The following STIM2 variants were observed in gnomAD, a reference collection of about 807,000 sequenced individuals.
STIM2 encodes stromal interaction molecule 2.
STIM2 carries 31 observed loss-of-function variants against 85.8 expected under a neutral mutation model. That is an observed-to-expected ratio of 0.36 (90% CI 0.27 to 0.49). The LOEUF (loss-of-function observed/expected upper bound fraction) is 0.49, where lower values mean the gene tolerates loss of function less well. Among genes scored for constraint, STIM2 ranks in the 20% least tolerant of loss-of-function variants. STIM2 has a pLI of 0.98. For synonymous variants in STIM2, 356 were observed against 331.1 expected (o/e 1.08, Z -0.82); for missense variants, 841 against 927.6 (o/e 0.91, Z 1.21).
In STIM2 at chr4:27,023,311, A is replaced by G. The variant is rs892221398; in HGVS notation, c.*315A>G. 17 of 276,010 alleles carry G rather than the reference A, an allele frequency of 6.2e-5. No individual in the cohort carries two copies. The highest frequency in any genetic ancestry group is 3.7e-4 in the African/African-American group (17 of 46,098). The allele number at this position is 276,010 out of a possible 1,614,324, so 17.1% of individuals were successfully genotyped here. On this transcript the variant is annotated 3_prime_UTR_variant, in exon 12 of 12. Coordinates refer to ENST00000467087, the MANE Select transcript of STIM2 (RefSeq NM_020860.4). Reference sequence around the variant, plus strand: ...ATGCAACATTTTGTTGAAAGCCACGATGGACTTACAAGCTTTAATGGACTC... The same window carrying G: ...ATGCAACATTTTGTTGAAAGCCACGGTGGACTTACAAGCTTTAATGGACTC...
At chr4:26,985,711 T>C (rs758217323) in intron 3 of STIM2, among the ~76,000 whole-genome samples, 14 of 152,186 alleles carry the variant, frequency 9.2e-5, no homozygotes, top group Non-Finnish European at 1.8e-4. Flanking sequence ...AACTCTACTC[T>C]CCTGTCTCAG....
In STIM2 at chr4:26,951,916, C is replaced by G. The variant is rs112220539; in HGVS notation, c.283-5696C>G. ...GTATGCAGAGTTCTGGCATCAGAGG[C>G]CAAAGCCTAATGGTAGATTTTGGCT... On this transcript the variant is annotated intron_variant, in intron 2 of 11. Transcript: ENST00000467087. 2.8e-3 allele frequency among the ~76,000 whole-genome samples: 430 copies of G among 152,064 alleles called. 2 individuals carry two copies. The highest frequency in any genetic ancestry group is 0.01 in the Middle Eastern group (3 of 294).
chr4:26,997,591 A>C (rs1211491513), intron 4 of STIM2, among the ~76,000 whole-genome samples: 1 of 152,138 alleles, frequency 6.6e-6, no homozygotes, highest in Admixed American at 6.5e-5. Context: ...TTTTTACTAC[A>C]TCTCATTGTC....
chr4:26,981,670 A>G (rs1384813533), intron 3 of STIM2, among the ~76,000 whole-genome samples: 1 of 152,200 alleles, frequency 6.6e-6, no homozygotes, highest in Admixed American at 6.5e-5. Context: ...CAGTATGGAA[A>G]AATTCCATAA....
At chr4:26,861,550 C>G (rs1422131820) in intron 1 of STIM2, 181 bp downstream of exon 1, 16 of 943,148 alleles carry the variant, frequency 1.7e-5, no homozygotes, top group Non-Finnish European at 2.2e-5. Flanking sequence ...TCCTTTTCAC[C>G]CCGACACCCC....
chr4:26,961,651 CACTGGAGGG>C lies in STIM2; in HGVS notation c.397+3927_397+3935del, dbSNP rs539785329. Reference sequence around the variant, plus strand: ...GTAAGTTTAGGGTATGGAGGTAGCTCACTGGAGGGAGTGATTAGCTCACTATTATACACA... The same window carrying C: ...GTAAGTTTAGGGTATGGAGGTAGCTCAGTGATTAGCTCACTATTATACACA... On this transcript the variant is annotated intron_variant, in intron 3 of 11. Transcript: ENST00000467087. Among the ~76,000 whole-genome samples the C allele has an allele frequency of 2.7e-4, 41 of 152,216 alleles. No individual in the cohort carries two copies. In the South Asian group the frequency reaches 8.5e-3, roughly 32 times the overall value.
At chr4:26,986,215 G>A (rs770799760) in intron 3 of STIM2, among the ~76,000 whole-genome samples, 3 of 152,166 alleles carry the variant, frequency 2.0e-5, no homozygotes, top group Admixed American at 2.0e-4. Flanking sequence ...GAGGATTCAT[G>A]TAAAGCATGT....
intron 3 of STIM2, among the ~76,000 whole-genome samples, chr4:26,981,695 T>C (rs939262882): frequency 6.6e-6 from 1 of 152,208 alleles, no homozygotes; most frequent in African/African-American, 2.4e-5. Context: ...GCCTGGACTT[T>C]TACGACGTTG....
chr4:26,964,272 C>T (rs150812062), intron 3 of STIM2, among the ~76,000 whole-genome samples: 20 of 152,104 alleles, frequency 1.3e-4, no homozygotes, highest in African/African-American at 4.1e-4. Context: ...GAAGCTTGGT[C>T]TGTATCTGTC....
At chr4:26,966,812 C>G (rs1431263411) in intron 3 of STIM2, among the ~76,000 whole-genome samples, 1 of 151,694 alleles carries the variant, frequency 6.6e-6, no homozygotes, top group African/African-American at 2.4e-5. Flanking sequence ...AATTAAAAAC[C>G]GTTTCAATCT....
At chr4:26,977,147 C>A (rs1021530802) in intron 3 of STIM2, among the ~76,000 whole-genome samples, 7 of 152,098 alleles carry the variant, frequency 4.6e-5, no homozygotes, top group African/African-American at 1.7e-4. Flanking sequence ...AGGGGACAAT[C>A]TGGGTGAAGT....
At chr4:26,945,836 G>A (rs185707076) in intron 2 of STIM2, among the ~76,000 whole-genome samples, 53 of 151,692 alleles carry the variant, frequency 3.5e-4, no homozygotes, top group African/African-American at 1.2e-3. Flanking sequence ...GGAACTTTTC[G>A]TACTTTTCAC....
rs539743682 is a variant in STIM2, at chr4:26,890,082, C to A, written c.151+28713C>A. Among the ~76,000 whole-genome samples, 33 of 152,244 alleles carry A rather than the reference C, an allele frequency of 2.2e-4. 1 individual carries two copies. The South Asian group carries it at 6.6e-3, about 31-fold the overall frequency. On this transcript the variant is annotated intron_variant, in intron 1 of 11. Transcript: ENST00000467087. The stretch of plus-strand genomic sequence containing the variant: ...CAAGTGTGCTGCCCAAAGTTCTGTC[C>A]ACAGGAGAGTTTTCCTTCATTACTA...
chr4:26,928,524 C>T (rs1028979014), intron 2 of STIM2, among the ~76,000 whole-genome samples: 1 of 152,048 alleles, frequency 6.6e-6, no homozygotes, highest in Non-Finnish European at 1.5e-5. Flanking sequence ...ATCAGATATA[C>T]TTTTTTAATT....
chr4:26,941,682 C>G (rs926771135), intron 2 of STIM2, among the ~76,000 whole-genome samples: 1 of 150,798 alleles, frequency 6.6e-6, no homozygotes, highest in Non-Finnish European at 1.5e-5. Flanking sequence ...AATGGGATCT[C>G]CTAATTATTG....
At chr4:27,018,043 G>A in intron 11 of STIM2, 59 bp downstream of exon 11, 1 of 1,580,826 alleles carries the variant, frequency 6.3e-7, no homozygotes, top group Non-Finnish European at 8.6e-7. Context: ...TAAGGTGTGA[G>A]GAGGGGGCGG....
At chr4:26,927,703 AAAAACTTGAAT>A (rs1725011497) in intron 2 of STIM2, among the ~76,000 whole-genome samples, 1 of 129,002 alleles carries the variant, frequency 7.8e-6, no homozygotes, top group African/African-American at 3.4e-5. Flanking sequence ...AAAAAAAAAA[AAAAACTTGAAT>A]AAAAAAAAAA....
At chr4:26,981,255 G>A (rs561441813) in intron 3 of STIM2, among the ~76,000 whole-genome samples, 1 of 152,244 alleles carries the variant, frequency 6.6e-6, no homozygotes, top group South Asian at 2.1e-4. Context: ...GGGTTGTGCT[G>A]AGGATTAAAT....
Position 27,008,865 on chromosome 4 carries a change from T to G in STIM2, c.1352T>G (p.Leu451Arg). Residue 451 changes from leucine to arginine, a missense_variant, in exon 10 of 12, where the codon CTC becomes CGC. Around this residue, in one of 3 missense-constraint regions of STIM2, gnomAD observed 408 missense variants for 525.4 expected, o/e 0.78. Coordinates refer to ENST00000467087, the MANE Select transcript of STIM2 (RefSeq NM_020860.4). ...TTTCAGATAGCCCATAACTCAGGAC[T>G]CCCCAGCCTGACCTCTTCCCTTTAT... The G allele has an allele frequency of 3.1e-6, 5 of 1,614,144 alleles. No homozygotes were observed. The highest frequency in any genetic ancestry group is 4.2e-6 in the Non-Finnish European group (5 of 1,180,008).
Sources: gnomAD v4.1 joint callset for allele counts (sites outside exome capture counted in the v4.1 genomes callset) on GRCh38, gnomAD v4.1.1 for gene constraint, gnomAD v4.1.1 regional missense constraint, MANE v1.5 for transcripts, NCBI Gene and HGNC (gene_info 2026-07-23, HGNC 2026-07-21) for gene names.